The following FTSJ3 variants were observed in gnomAD, a reference collection of about 807,000 sequenced individuals.
FTSJ3 encodes the protein pre-rRNA 2'-O-ribose RNA methyltransferase FTSJ3.
A neutral mutation model predicts 111.5 loss-of-function variants in FTSJ3; 46 were observed. The observed-to-expected ratio is 0.41, with a 90% CI of 0.33 to 0.53. The LOEUF (loss-of-function observed/expected upper bound fraction) is 0.53. FTSJ3 is among the 20% of genes least tolerant of loss of function. FTSJ3 has a pLI of 0.19. For synonymous variants in FTSJ3, 408 were observed against 383.0 expected (o/e 1.07, Z -0.76); for missense variants, 1,075 against 1,063.8 (o/e 1.01, Z -0.15).
At chr17:63,825,748 G>A (rs2040092708) in intron 5 of FTSJ3, 113 bp from the exon 6 acceptor site, 1 of 848,410 alleles carries the variant, frequency 1.2e-6, no homozygotes, top group East Asian at 2.5e-5. Context: ...TGCAGTACCA[G>A]GCACAGGAGA....
chr17:63,825,221 G>C, intron 7 of FTSJ3, 21 bp downstream of exon 7: 1 of 1,614,078 alleles, frequency 6.2e-7, no homozygotes, highest in Non-Finnish European at 8.5e-7. Context: ...CCTGGATCAA[G>C]AGAAAGGAAA....
At position 63,822,112 on chromosome 17, in the gene FTSJ3, A is replaced by T. The variant is rs960576651; in HGVS notation, c.1347T>A (p.Asp449Glu). 6.2e-7 allele frequency: 1 copy of T among 1,614,232 alleles called. No individual in the cohort carries two copies. ...DMSAADTFLS[D>E]LPRDDIYVSD... The stretch of plus-strand genomic sequence containing the variant: ...ACACATAGATATCATCCCTTGGCAG[A>T]TCGGACAGAAATGTGTCTGCTGCAC... The change falls in exon 14 of 21, where the codon GAT becomes GAA. Residue 449 changes from aspartate (D) to glutamate (E), a missense_variant. By Grantham distance (45) the Asp-to-Glu change is conservative (BLOSUM62 2). Coordinates refer to ENST00000427159, the MANE Select transcript of FTSJ3 (RefSeq NM_017647.4).
intron 5 of FTSJ3, 168 bp from the exon 6 acceptor site, chr17:63,825,803 T>C: frequency 1.5e-6 from 1 of 651,874 alleles, no homozygotes; most frequent in Non-Finnish European, 2.6e-6. Context: ...TCATGGAGAT[T>C]ACAGTCTGAC....
chr17:63,819,536 C>A lies in FTSJ3; in HGVS notation c.*266G>T. On this transcript the variant is annotated 3_prime_UTR_variant, in exon 21 of 21. Coordinates refer to ENST00000427159, the MANE Select transcript of FTSJ3 (RefSeq NM_017647.4). ...GACTACATTGAGTATCGCTCCAACA[C>A]CGAACTTCCCTTTAACGGTTTAAAA... 7.3e-6 allele frequency: 3 copies of A among 413,644 alleles called. No homozygotes were observed. The highest frequency in any genetic ancestry group is 1.1e-4 in the South Asian group (2 of 19,042). The allele number at this position is 413,644 out of a possible 1,614,324, so 25.6% of individuals were successfully genotyped here. A position where few individuals can be genotyped will look rare whatever the true frequency, so the allele number is the denominator to read the frequency against.
Position 63,819,521 on chromosome 17 carries a change from AGTATCGCTCC to A in FTSJ3, c.*271_*280del. Reference sequence around the variant, plus strand: ...GTCCAGGTGTAGACTGACTACATTGAGTATCGCTCCAACACCGAACTTCCCTTTAACGGTT... The same window carrying A: ...GTCCAGGTGTAGACTGACTACATTGAAACACCGAACTTCCCTTTAACGGTT... On this transcript the variant is annotated 3_prime_UTR_variant, in exon 21 of 21. Transcript: ENST00000427159. The A allele has an allele frequency of 5.2e-6, 2 of 383,324 alleles. No individual in the cohort carries two copies. The highest frequency in any genetic ancestry group is 5.5e-5 in the South Asian group (1 of 18,184). 23.7% of individuals were successfully genotyped at this position (383,324 alleles called of 1,614,324 possible).
In FTSJ3 at chr17:63,825,652, G is replaced by A. The variant is rs1489737916; in HGVS notation, c.301-17C>T. The A allele has an allele frequency of 2.5e-6, 4 of 1,602,400 alleles. No individual in the cohort carries two copies. Among genetic ancestry groups the A allele is most frequent in the South Asian group, 1.1e-5 (1 of 90,772 alleles). ...CCTCAGGGCCTAAAGAGAAGAAAAG[G>A]AACTATGGAAACAGAAACACTGGAA... is the stretch of plus-strand genomic sequence containing the variant. On this transcript the variant is annotated splice_polypyrimidine_tract_variant and intron_variant, in intron 5 of 20. Coordinates refer to ENST00000427159, the MANE Select transcript of FTSJ3 (RefSeq NM_017647.4).
At position 63,819,441 on chromosome 17, in the gene FTSJ3, T is replaced by A; in HGVS notation, c.*361A>T. On this transcript the variant is annotated 3_prime_UTR_variant, in exon 21 of 21. Coordinates refer to ENST00000427159, the MANE Select transcript of FTSJ3 (RefSeq NM_017647.4). ...GTCAGAAAAGACAACTCTTCCATTA[T>A]CCTGGTTTTATTCAGGAATAGGATG... 1 of 211,728 alleles carries A rather than the reference T, an allele frequency of 4.7e-6. No homozygotes were observed. The highest frequency in any genetic ancestry group is 9.5e-6 in the Non-Finnish European group (1 of 105,118). The allele number at this position is 211,728 out of a possible 1,614,324, so 13.1% of individuals were successfully genotyped here.
chr17:63,825,819 A>G (rs2584626), intron 5 of FTSJ3, 184 bp from the exon 6 acceptor site: 409,483 of 634,694 alleles, frequency 0.65, 134,999 homozygotes, highest in African/African-American at 0.9. Context: ...CTGACACTGA[A>G]TTCACAGGAG....
chr17:63,825,719 G>A (rs1479326214), intron 5 of FTSJ3, 84 bp from the exon 6 acceptor site: 1 of 1,278,174 alleles, frequency 7.8e-7, no homozygotes, highest in Non-Finnish European at 1.1e-6. Context: ...CATTTGCTGA[G>A]TGCCCATCAT....
In FTSJ3 at chr17:63,824,106, G is replaced by C. The variant is rs750210233; in HGVS notation, c.1132C>G (p.Gln378Glu). The part of the protein sequence containing the change: ...LNQTLAEMKA[Q>E]EVAELKRKKK... ...CACCTCTTCAATTCCGCCACCTCCTGGGCCTTCATTTCTGCCAAGGTCTGG... is the reference window on the plus strand; with the variant it reads ...CACCTCTTCAATTCCGCCACCTCCTCGGCCTTCATTTCTGCCAAGGTCTGG... The change falls in exon 12 of 21, where the codon CAG becomes GAG. Residue 378 changes from glutamine to glutamate, a missense_variant. This residue lies in a region of FTSJ3 where 867 missense variants were observed against 796.9 expected (regional missense o/e 1.09). Coordinates refer to ENST00000427159, the MANE Select transcript of FTSJ3 (RefSeq NM_017647.4). The C allele has an allele frequency of 1.9e-6, 3 of 1,613,942 alleles. No individual in the cohort carries two copies. The highest frequency in any genetic ancestry group is 1.7e-5 in the Admixed American group (1 of 59,984).
In FTSJ3 at chr17:63,826,605, G is replaced by C; in HGVS notation, c.135C>G (p.Ala45=). The change falls in exon 3 of 21, where the codon GCC becomes GCG. Residue 45 remains alanine (A), a synonymous_variant. Coordinates refer to ENST00000427159, the MANE Select transcript of FTSJ3 (RefSeq NM_017647.4). ...CAGCACACAGGTCCAGCAAGGCTCG[G>C]GCTTTCTGCAGGAACTGAAAGCGGC... ...LNRRFQFLQK[A]RALLDLCAAP... 6.2e-7 allele frequency: 1 copy of C among 1,614,090 alleles called. No homozygotes were observed. Among genetic ancestry groups the C allele is most frequent in the African/African-American group, 1.3e-5 (1 of 75,030 alleles).
rs546051924 is a variant in FTSJ3, at chr17:63,823,827, C to T, written c.1280G>A (p.Arg427Gln). 22 of 1,614,014 alleles carry T rather than the reference C, an allele frequency of 1.4e-5. No homozygotes were observed. Among genetic ancestry groups the T allele is most frequent in the East Asian group, 6.7e-5 (3 of 44,862 alleles). The change falls in exon 13 of 21, where the codon CGG becomes CAG. Residue 427 changes from arginine (R) to glutamine (Q), a missense_variant. Arg to Gln is a conservative substitution (Grantham distance 43, BLOSUM62 1). Coordinates refer to ENST00000427159, the MANE Select transcript of FTSJ3 (RefSeq NM_017647.4). Reference protein sequence around the residue: ...ETGMFSLSTIRGHQLLEEVTQ... With the variant: ...ETGMFSLSTIQGHQLLEEVTQ... ...CCAATGCCGCCTCACCTGGTGACCC[C>T]GGATGGTGCTCAAGGAGAACATGCC...
chr17:63,821,719 TTA>T lies in FTSJ3; in HGVS notation c.1596+2_1596+3del. 6.2e-7 allele frequency: 1 copy of T among 1,614,208 alleles called. No homozygotes were observed. Among genetic ancestry groups the T allele is most frequent in the Non-Finnish European group, 8.5e-7 (1 of 1,180,022 alleles). On this transcript the variant is annotated splice_donor_variant and splice_donor_region_variant and intron_variant, in intron 15 of 20. Coordinates refer to ENST00000427159, the MANE Select transcript of FTSJ3 (RefSeq NM_017647.4). LOFTEE classifies it high-confidence loss of function. Reference sequence around the variant, plus strand: ...CCGCAGTCTTGCCCCCGGCCTCTCCTTACCTTTGAGAACCACAGGTTGGCTTG... The same window carrying T: ...CCGCAGTCTTGCCCCCGGCCTCTCCTCCTTTGAGAACCACAGGTTGGCTTG...
rs751687273 is a variant in FTSJ3, at chr17:63,821,372, C to T, written c.1868G>A (p.Ser623Asn). 1.9e-6 allele frequency: 3 copies of T among 1,612,316 alleles called. No homozygotes were observed. Among genetic ancestry groups the T allele is most frequent in the Non-Finnish European group, 2.5e-6 (3 of 1,179,446 alleles). The change falls in exon 16 of 21, where the codon AGC (serine) becomes AAC (asparagine). Residue 623 changes from serine to asparagine, a missense_variant. Around this residue, in one of 2 missense-constraint regions of FTSJ3, gnomAD observed 867 missense variants for 796.9 expected, o/e 1.09. Coordinates refer to ENST00000427159, the MANE Select transcript of FTSJ3 (RefSeq NM_017647.4). The part of the protein sequence containing the change: ...DGISDSDSST[S>N]SEEEESWEPL... ...TACTCACCTCTCTTCTTCCTCACTG[C>T]TAGTACTGCTATCACTGTCTGAGAT...
Position 63,827,256 on chromosome 17 carries a change from G to A in FTSJ3, c.-231C>T, listed in dbSNP as rs1400537414. 1 of 614,014 alleles carries A rather than the reference G, an allele frequency of 1.6e-6. No homozygotes were observed. The highest frequency in any genetic ancestry group is 2.0e-5 in the South Asian group (1 of 50,790). 38.0% of individuals were successfully genotyped at this position (614,014 alleles called of 1,614,324 possible). A position where few individuals can be genotyped will look rare whatever the true frequency, so the allele number is the denominator to read the frequency against. On this transcript the variant is annotated 5_prime_UTR_variant, in exon 1 of 21. Transcript: ENST00000427159. ...AGGCATATCACAAGAACTATAAACAGAGTTTCAATGAGGCAACACTGAGGA... is the reference window on the plus strand; with the variant it reads ...AGGCATATCACAAGAACTATAAACAAAGTTTCAATGAGGCAACACTGAGGA...
In FTSJ3 at chr17:63,821,052, C is replaced by G. The variant is rs944767208; in HGVS notation, c.1950G>C (p.Glu650Asp). 6.2e-7 allele frequency: 1 copy of G among 1,614,190 alleles called. No homozygotes were observed. The highest frequency in any genetic ancestry group is 8.5e-7 in the Non-Finnish European group (1 of 1,180,018). Residue 650 changes from glutamate to aspartate, a missense_variant, in exon 17 of 21, where the codon GAG (glutamate) becomes GAC (aspartate). By Grantham distance (45) the Glu-to-Asp change is conservative. This residue lies in a region of FTSJ3 where 867 missense variants were observed against 796.9 expected (regional missense o/e 1.09). Coordinates refer to ENST00000427159, the MANE Select transcript of FTSJ3 (RefSeq NM_017647.4). ...CACCTGGGTCCTCAATAGGCACTAT[C>G]TCAAACCCGTCATCATCTGACTTAG... ...RGPKSDDDGF[E>D]IVPIEDPAKH...
In FTSJ3 at chr17:63,824,331, C is replaced by G; in HGVS notation, c.998G>C (p.Ser333Thr). 1.9e-6 allele frequency: 3 copies of G among 1,614,240 alleles called. No individual in the cohort carries two copies. The highest frequency in any genetic ancestry group is 2.5e-6 in the Non-Finnish European group (3 of 1,180,034). ...CTGCCTCGCTGCGTTCTCTCCTCAC[C>G]TGATGTCCAGTGCCTTTGCTTGTTC... Reference protein sequence around the residue: ...LKEQAKALDISLSSGEEDEGD... With the variant: ...LKEQAKALDITLSSGEEDEGD... Residue 333 changes from serine to threonine, a missense_variant and splice_region_variant, in exon 11 of 21, where the codon AGC (serine) becomes ACC (threonine). Physicochemically the swap from Ser to Thr is moderately conservative, Grantham distance 58. Around this residue, in one of 2 missense-constraint regions of FTSJ3, gnomAD observed 867 missense variants for 796.9 expected, o/e 1.09. Coordinates refer to ENST00000427159, the MANE Select transcript of FTSJ3 (RefSeq NM_017647.4).
chr17:63,821,158 C>G (rs1379859823), intron 16 of FTSJ3, 43 bp from the exon 17 acceptor site: 2 of 1,595,910 alleles, frequency 1.3e-6, no homozygotes, highest in Non-Finnish European at 8.6e-7. Flanking sequence ...CCACTCTGTA[C>G]TACTCAGACC....
rs375957187 is a variant in FTSJ3, at chr17:63,819,764, C to T, written c.*38G>A. On this transcript the variant is annotated 3_prime_UTR_variant, in exon 21 of 21. Transcript: ENST00000427159. ...ACTGAGCCATGCCACACCCTTCCTCCTAGTCCCCATGCTCTCCTGGGAGCC... is the reference window on the plus strand; with the variant it reads ...ACTGAGCCATGCCACACCCTTCCTCTTAGTCCCCATGCTCTCCTGGGAGCC... 6 of 1,576,338 alleles carry T rather than the reference C, an allele frequency of 3.8e-6. No individual in the cohort carries two copies. In the African/African-American group the frequency reaches 6.8e-5, roughly 18 times the overall value.
Sources: allele counts gnomAD v4.1 joint callset, GRCh38; gene constraint gnomAD v4.1.1; regional missense constraint gnomAD v4.1.1; transcripts MANE v1.5; gene names NCBI Gene and HGNC (gene_info 2026-07-23, HGNC 2026-07-21).